The following NPS variants were observed in gnomAD, a reference collection of about 807,000 sequenced individuals.
The protein encoded by NPS is neuropeptide S, also known as prepro-neuropeptide S.
NPS carries 6 observed loss-of-function variants against 7.2 expected under a neutral mutation model. The observed-to-expected ratio is 0.83, with a 90% CI of 0.46 to 1.64. The LOEUF (loss-of-function observed/expected upper bound fraction) is 1.64. Among genes scored for constraint, NPS ranks in the 40% most tolerant of loss-of-function variants. The pLI is 0.01. For missense variants in NPS, 123 were observed against 97.8 expected, an observed-to-expected ratio of 1.26 and a Z score of -1.09; for synonymous variants, 42 against 36.7, an observed-to-expected ratio of 1.14 and a Z score of -0.52.
chr10:127,549,322 AT>A lies in NPS; in HGVS notation c.-44del, dbSNP rs757606531. 1.3e-6 allele frequency: 2 copies of A among 1,565,802 alleles called. No homozygotes were observed. Among genetic ancestry groups the A allele is most frequent in the Admixed American group, 1.7e-5 (1 of 59,670 alleles). On this transcript the variant is annotated 5_prime_UTR_variant, in exon 1 of 3. Transcript: ENST00000398023. The stretch of plus-strand genomic sequence containing the variant: ...GAGGGTCTGAGAGTAAGTGTGAGAA[AT>A]TTGGCAATAAAACCACCTATCTTTA...
Position 127,552,719 on chromosome 10 carries a change from A to T in NPS, c.*80A>T, listed in dbSNP as rs1429009216. 1.1e-6 allele frequency: 1 copy of T among 904,828 alleles called. No homozygotes were observed. The highest frequency in any genetic ancestry group is 1.8e-6 in the Non-Finnish European group (1 of 559,656). The allele number at this position is 904,828 out of a possible 1,614,324, so 56.0% of individuals were successfully genotyped here. A position where few individuals can be genotyped will look rare whatever the true frequency, so the allele number is the denominator to read the frequency against. On this transcript the variant is annotated 3_prime_UTR_variant, in exon 3 of 3. Coordinates refer to ENST00000398023, the MANE Select transcript of NPS (RefSeq NM_001030013.2). The stretch of plus-strand genomic sequence containing the variant: ...ACTCAAAGTCCATCGTCTCTTTATC[A>T]TTGAGTGTTGGCATGCTCTCTATTC...
intron 2 of NPS, among the ~76,000 whole-genome samples, chr10:127,550,771 A>T (rs1445590021): frequency 1.3e-5 from 2 of 152,206 alleles, no homozygotes; most frequent in East Asian, 1.9e-4. Flanking sequence ...AAGAGTGTGG[A>T]TGCTATTCAT....
rs779809720 is a variant in NPS, at chr10:127,549,443, C to A, written c.9-46C>A. ...TCATATGCTGTTTTACTTATTCTTG[C>A]CTACTTGAGACTAAATCTTGATTGT... On this transcript the variant is annotated intron_variant, in intron 1 of 2. Transcript: ENST00000398023. 9.5e-6 allele frequency: 15 copies of A among 1,577,846 alleles called. No homozygotes were observed. In the East Asian group the frequency reaches 2.9e-4, roughly 31 times the overall value.
rs1238284332 is a variant in NPS, at chr10:127,552,777, G to A, written c.*138G>A. The A allele has an allele frequency of 1.1e-5, 6 of 530,762 alleles. No homozygotes were observed. Among genetic ancestry groups the A allele is most frequent in the African/African-American group, 3.9e-5 (2 of 51,244 alleles). 32.9% of individuals were successfully genotyped at this position (530,762 alleles called of 1,614,324 possible). On this transcript the variant is annotated 3_prime_UTR_variant, in exon 3 of 3. Coordinates refer to ENST00000398023, the MANE Select transcript of NPS (RefSeq NM_001030013.2). ...TCTTTCCTCTCCTGACTGGTACAGA[G>A]TAAATTGAGTAAAAAAAGAAAAAAA... is the stretch of plus-strand genomic sequence containing the variant.
intron 2 of NPS, among the ~76,000 whole-genome samples, chr10:127,551,906 A>C (rs1591157632): frequency 6.6e-6 from 1 of 151,972 alleles, no homozygotes; most frequent in East Asian, 1.9e-4. Context: ...AAGATTGCAG[A>C]TCTGTTTCTT....
chr10:127,550,174 C>T (rs1174900872), intron 2 of NPS, among the ~76,000 whole-genome samples: 1 of 151,978 alleles, frequency 6.6e-6, no homozygotes, highest in Non-Finnish European at 1.5e-5. Context: ...TTTAAAATAT[C>T]TTTTGTCATT....
chr10:127,551,947 T>C (rs72845559), intron 2 of NPS, among the ~76,000 whole-genome samples: 13,392 of 152,296 alleles, frequency 0.088, 760 homozygotes, highest in Non-Finnish European at 0.14. Flanking sequence ...CTCTCCTACA[T>C]TATCCAGCCT....
rs374280810 is a variant in NPS, at chr10:127,552,374, A to G, written c.91-86A>G. The G allele has an allele frequency of 2.2e-4, 171 of 766,984 alleles. 3 individuals carry two copies. The African/African-American group carries it at 2.4e-3, about 11-fold the overall frequency. 47.5% of individuals were successfully genotyped at this position (766,984 alleles called of 1,614,324 possible). ...TGATTGATATATTGGATTTATCGCC[A>G]TACGATTTTGAAAATTGTTACTGTT... On this transcript the variant is annotated intron_variant, in intron 2 of 2. Coordinates refer to ENST00000398023, the MANE Select transcript of NPS (RefSeq NM_001030013.2).
At position 127,549,482 on chromosome 10, in the gene NPS, T is replaced by G; in HGVS notation, c.9-7T>G. 1.2e-6 allele frequency: 2 copies of G among 1,608,180 alleles called. No homozygotes were observed. Among genetic ancestry groups the G allele is most frequent in the Non-Finnish European group, 1.7e-6 (2 of 1,174,634 alleles). On this transcript the variant is annotated splice_polypyrimidine_tract_variant and splice_region_variant and intron_variant, in intron 1 of 2. Transcript: ENST00000398023. ...AATCTTGATTGTACTTTTTTTCTAC[T>G]TTGCAGCTCAGTAAAACTCAATCTC... is the stretch of plus-strand genomic sequence containing the variant.
At position 127,552,761 on chromosome 10, in the gene NPS, T is replaced by C. The variant is rs1844870226; in HGVS notation, c.*122T>C. 5.9e-6 allele frequency: 4 copies of C among 680,352 alleles called. No individual in the cohort carries two copies. In the Admixed American group the frequency reaches 7.7e-5, roughly 13 times the overall value. 42.1% of individuals were successfully genotyped at this position (680,352 alleles called of 1,614,324 possible). ...TCTCTATTCTCAAATATCTTTCCTC[T>C]CCTGACTGGTACAGAGTAAATTGAG... is the stretch of plus-strand genomic sequence containing the variant. On this transcript the variant is annotated 3_prime_UTR_variant, in exon 3 of 3. Transcript: ENST00000398023.
chr10:127,552,531 A>T lies in NPS; in HGVS notation c.162A>T (p.Glu54Asp). The change falls in exon 3 of 3, where the codon GAA becomes GAT. Residue 54 changes from glutamate to aspartate, a missense_variant. Transcript: ENST00000398023. ...SCPTRLDRSK[E>D]LAFLKPILEK... is the part of the protein sequence containing the mutation. ...CAACCAGATTGGACAGGAGCAAAGA[A>T]CTAGCTTTTCTAAAGCCAATTTTGG... 1 of 1,612,440 alleles carries T rather than the reference A, an allele frequency of 6.2e-7. No homozygotes were observed. The highest frequency in any genetic ancestry group is 8.5e-7 in the Non-Finnish European group (1 of 1,178,436).
At position 127,552,519 on chromosome 10, in the gene NPS, C is replaced by T. The variant is rs1844867051; in HGVS notation, c.150C>T (p.Asp50=). The T allele has an allele frequency of 6.2e-7, 1 of 1,612,354 alleles. No homozygotes were observed. The highest frequency in any genetic ancestry group is 1.1e-5 in the South Asian group (1 of 91,050). ...TGAACAGCTGCCCAACCAGATTGGA[C>T]AGGAGCAAAGAACTAGCTTTTCTAA... is the stretch of plus-strand genomic sequence containing the variant. ...ILLNSCPTRL[D]RSKELAFLKP... is the part of the protein sequence containing the mutation. The change falls in exon 3 of 3, where the codon GAC becomes GAT. Residue 50 remains aspartate, a synonymous_variant. Transcript: ENST00000398023.
In NPS at chr10:127,552,720, T is replaced by A. The variant is rs1344985280; in HGVS notation, c.*81T>A. 2.2e-6 allele frequency: 2 copies of A among 902,510 alleles called. No homozygotes were observed. The highest frequency in any genetic ancestry group is 3.0e-5 in the South Asian group (2 of 66,164). 55.9% of individuals were successfully genotyped at this position (902,510 alleles called of 1,614,324 possible). ...CTCAAAGTCCATCGTCTCTTTATCA[T>A]TGAGTGTTGGCATGCTCTCTATTCT... On this transcript the variant is annotated 3_prime_UTR_variant, in exon 3 of 3. Transcript: ENST00000398023.
In NPS at chr10:127,552,932, A is replaced by G. The variant is rs1038769054; in HGVS notation, c.*293A>G. On this transcript the variant is annotated 3_prime_UTR_variant, in exon 3 of 3. Transcript: ENST00000398023. ...TTTGCTTTTAACTTGGCCAGAAAGCATGAGCATGTTGACAGTCATCACGAT... is the reference window on the plus strand; with the variant it reads ...TTTGCTTTTAACTTGGCCAGAAAGCGTGAGCATGTTGACAGTCATCACGAT... Among the ~76,000 whole-genome samples the G allele has an allele frequency of 6.6e-6, 1 of 152,208 alleles. No homozygotes were observed. The highest frequency in any genetic ancestry group is 2.1e-4 in the South Asian group (1 of 4,832).
At chr10:127,549,886 A>T (rs10830122) in intron 2 of NPS, among the ~76,000 whole-genome samples, 28,791 of 152,188 alleles carry the variant, frequency 0.19, 3,526 homozygotes, top group Non-Finnish European at 0.27. Context: ...TTCATAATCA[A>T]AGTGAACACT....
At position 127,549,359 on chromosome 10, in the gene NPS, G is replaced by T; in HGVS notation, c.-10G>T. Reference sequence around the variant, plus strand: ...AACCACCTATCTTTACAGATTTTGGGAAGTCCAAAATGATTAGGTAAAAGG... The same window carrying T: ...AACCACCTATCTTTACAGATTTTGGTAAGTCCAAAATGATTAGGTAAAAGG... On this transcript the variant is annotated 5_prime_UTR_variant, in exon 1 of 3. Transcript: ENST00000398023. 1 of 1,605,662 alleles carries T rather than the reference G, an allele frequency of 6.2e-7. No homozygotes were observed. The highest frequency in any genetic ancestry group is 1.1e-5 in the South Asian group (1 of 90,794).
At chr10:127,549,706 C>T (rs1844840693) in intron 2 of NPS, 136 bp downstream of exon 2, 1 of 620,602 alleles carries the variant, frequency 1.6e-6, no homozygotes, top group Non-Finnish European at 2.9e-6. Context: ...GGGAAAAAGT[C>T]AGCAGATTGA....
In NPS at chr10:127,549,491, C is replaced by T. The variant is rs1844836885; in HGVS notation, c.11C>T (p.Ser4Leu). 1 of 1,609,268 alleles carries T rather than the reference C, an allele frequency of 6.2e-7. No individual in the cohort carries two copies. Among genetic ancestry groups the T allele is most frequent in the Non-Finnish European group, 8.5e-7 (1 of 1,175,708 alleles). ...TGTACTTTTTTTCTACTTTGCAGCT[C>T]AGTAAAACTCAATCTCATCCTAGTT... The part of the protein sequence containing the change: MIS[S>L]VKLNLILVLS... The change falls in exon 2 of 3, where the codon TCA becomes TTA. Residue 4 changes from serine (S) to leucine (L), a missense_variant and splice_region_variant. Coordinates refer to ENST00000398023, the MANE Select transcript of NPS (RefSeq NM_001030013.2).
intron 2 of NPS, 139 bp from the exon 3 acceptor site, chr10:127,552,321 T>A: frequency 1.6e-6 from 1 of 640,098 alleles, no homozygotes; most frequent in Non-Finnish European, 2.8e-6. Context: ...GTAGATATTG[T>A]GTTTTAGCAA....
Sources: gnomAD v4.1 joint callset for allele counts (sites outside exome capture counted in the v4.1 genomes callset) on GRCh38, gnomAD v4.1.1 for gene constraint, MANE v1.5 for transcripts, NCBI Gene and HGNC (gene_info 2026-07-23, HGNC 2026-07-21) for gene names.